CLEC2A: variants seen among roughly 807,000 people sequenced by gnomAD.
CLEC2A encodes the protein C-type lectin domain family 2 member A, also known as keratinocyte-associated C-type lectin.
CLEC2A carries 19 observed loss-of-function variants against 18.6 expected under a neutral mutation model. The ratio of observed to expected loss-of-function variants is 1.02; its 90% CI spans 0.71 to 1.50. The LOEUF is 1.50. Among genes scored for constraint, CLEC2A ranks in the 40% most tolerant of loss-of-function variants. The pLI, the probability that CLEC2A is intolerant of heterozygous loss-of-function variation, is 0.00. For synonymous variants in CLEC2A, 74 were observed against 64.0 expected (o/e 1.16, Z -0.75); for missense variants, 190 against 207.9 (o/e 0.91, Z 0.53).
intron 1 of CLEC2A, among the ~76,000 whole-genome samples, chr12:9,927,195 G>A (rs1215713521): frequency 6.6e-6 from 1 of 152,170 alleles, no homozygotes; most frequent in African/African-American, 2.4e-5. Context: ...ATATATTACA[G>A]ACTGTTGCTC....
At position 9,914,354 on chromosome 12, in the gene CLEC2A, A is replaced by G. The variant is rs371748271; in HGVS notation, c.411-674T>C. Among the ~76,000 whole-genome samples, 6 of 152,344 alleles carry G rather than the reference A, an allele frequency of 3.9e-5. No individual in the cohort carries two copies. The East Asian group carries it at 9.6e-4, about 24-fold the overall frequency. On this transcript the variant is annotated intron_variant, in intron 4 of 4. Transcript: ENST00000455827. The stretch of plus-strand genomic sequence containing the variant: ...CTTTGACATTCTCCACAGAATTAGA[A>G]GAAAACTACTTTAAATTTCATATGA...
At chr12:9,927,223 A>T (rs528004882) in intron 1 of CLEC2A, among the ~76,000 whole-genome samples, 1 of 152,348 alleles carries the variant, frequency 6.6e-6, no homozygotes, top group African/African-American at 2.4e-5. Flanking sequence ...ACAAAACTGG[A>T]TAGCATGTTA....
At chr12:9,897,673 G>A (rs1862771888), downstream of CLEC2A, among the ~76,000 whole-genome samples, 1 of 151,996 alleles carries the variant, frequency 6.6e-6, no homozygotes, top group Non-Finnish European at 1.5e-5. Context: ...GCCCGCATAA[G>A]CTTTGAATTC....
intron 4 of CLEC2A, among the ~76,000 whole-genome samples, chr12:9,899,397 A>G (rs1032934148): frequency 1.3e-5 from 2 of 152,160 alleles, no homozygotes; most frequent in South Asian, 4.1e-4. Context: ...AGGAGAAGAA[A>G]GGAAAAAGAA....
the CLEC2A span, among the ~76,000 whole-genome samples, chr12:9,888,256 C>T: frequency 1.7e-4 from 26 of 151,728 alleles, no homozygotes; most frequent in Non-Finnish European, 2.7e-4. Context: ...TTTCGGAAGC[C>T]GAGGCGGGCG....
downstream of CLEC2A, among the ~76,000 whole-genome samples, chr12:9,910,405 TA>T (rs1045216723): frequency 2.4e-4 from 36 of 152,314 alleles, no homozygotes; most frequent in African/African-American, 8.2e-4. Context: ...TGGAGGTTTC[TA>T]ATGCTTCTGG....
At chr12:9,911,110 C>A (rs979889593), downstream of CLEC2A, among the ~76,000 whole-genome samples, 1 of 152,150 alleles carries the variant, frequency 6.6e-6, no homozygotes, top group Non-Finnish European at 1.5e-5. Flanking sequence ...GTCAAGACCA[C>A]ACAACCTAAA....
Position 9,932,309 on chromosome 12 carries a change from C to A in CLEC2A, c.21G>T (p.Arg7=). MINPEL[R]DGRADGFIHR... The stretch of plus-strand genomic sequence containing the variant: ...GTATGAAGCCATCAGCTCTGCCATC[C>A]CGCAGCTCTGGATTAATCATGGCAA... Residue 7 remains arginine, a synonymous_variant, in exon 1 of 5, where the codon CGG becomes CGT. Transcript: ENST00000455827. 1 of 1,551,958 alleles carries A rather than the reference C, an allele frequency of 6.4e-7. No homozygotes were observed. The highest frequency in any genetic ancestry group is 8.7e-7 in the Non-Finnish European group (1 of 1,146,990).
At chr12:9,891,918 A>G in the CLEC2A span, among the ~76,000 whole-genome samples, 611 of 152,300 alleles carry the variant, frequency 4.0e-3, 15 homozygotes, top group Admixed American at 0.034. Flanking sequence ...AAAATATGAC[A>G]TGTTTTAACT....
At chr12:9,920,336 G>C (rs1363462469) in intron 3 of CLEC2A, among the ~76,000 whole-genome samples, 1 of 152,188 alleles carries the variant, frequency 6.6e-6, no homozygotes, top group Non-Finnish European at 1.5e-5. Context: ...ACATGCCTGA[G>C]AGGCTGCTCT....
intron 2 of CLEC2A, among the ~76,000 whole-genome samples, chr12:9,923,940 G>T (rs1342848617): frequency 3.3e-5 from 5 of 151,802 alleles, no homozygotes; most frequent in Non-Finnish European, 5.9e-5. Context: ...GGTTGGGGGA[G>T]TGGGGAGGGA....
At chr12:9,922,626 C>G (rs1435031702) in intron 2 of CLEC2A, among the ~76,000 whole-genome samples, 1 of 152,166 alleles carries the variant, frequency 6.6e-6, no homozygotes, top group Non-Finnish European at 1.5e-5. Context: ...TGAAAACACC[C>G]AAGCTAGGAA....
downstream of CLEC2A, chr12:9,895,864 T>C: frequency 6.7e-7 from 1 of 1,492,330 alleles, no homozygotes; most frequent in Non-Finnish European, 8.8e-7. Flanking sequence ...ATACTTTGCA[T>C]GTTAAAGCAG....
Position 9,913,421 on chromosome 12 carries a change from A to C in CLEC2A, c.*145T>G. On this transcript the variant is annotated 3_prime_UTR_variant, in exon 5 of 5. Coordinates refer to ENST00000455827, the MANE Select transcript of CLEC2A (RefSeq NM_001130711.2). ...CTCTTTAACCATGGCAGGGCACAGC[A>C]AGAAGTTTCCATCTATAAACTAGAA... 1 of 1,372,304 alleles carries C rather than the reference A, an allele frequency of 7.3e-7. No homozygotes were observed. The highest frequency in any genetic ancestry group is 9.5e-7 in the Non-Finnish European group (1 of 1,049,936). 85.0% of individuals were successfully genotyped at this position (1,372,304 alleles called of 1,614,324 possible). A position where few individuals can be genotyped will look rare whatever the true frequency, so the allele number is the denominator to read the frequency against.
chr12:9,905,091 G>A (rs1862888548), intron 4 of CLEC2A, among the ~76,000 whole-genome samples: 1 of 152,210 alleles, frequency 6.6e-6, no homozygotes, highest in South Asian at 2.1e-4. Flanking sequence ...ATGACGAGGT[G>A]ACTTTCTGCT....
chr12:9,904,702 C>T (rs1862882344), intron 4 of CLEC2A, among the ~76,000 whole-genome samples: 2 of 152,120 alleles, frequency 1.3e-5, no homozygotes, highest in African/African-American at 4.8e-5. Flanking sequence ...CTAACCAATA[C>T]CATTCAAATA....
chr12:9,929,143 T>G (rs1863330005), intron 1 of CLEC2A, among the ~76,000 whole-genome samples: 1 of 152,206 alleles, frequency 6.6e-6, no homozygotes, highest in Non-Finnish European at 1.5e-5. Flanking sequence ...TCTGGTATTA[T>G]TTTTAATAGT....
chr12:9,923,849 G>A (rs1863216993), intron 2 of CLEC2A, among the ~76,000 whole-genome samples: 1 of 151,900 alleles, frequency 6.6e-6, no homozygotes, highest in Non-Finnish European at 1.5e-5. Context: ...AACACCACAT[G>A]TTCTCACTCA....
In CLEC2A at chr12:9,900,814, A is replaced by C. The variant is rs1862816018; in HGVS notation, c.411-1838T>G. On this transcript the variant is annotated intron_variant, in intron 4 of 4. Transcript: ENST00000339766. ...CTCTGCAAGTCGAGATTGACTCCTT[A>C]AAGGCAAGCTTACCCTTCCAGTCAA... is the stretch of plus-strand genomic sequence containing the variant. Among the ~76,000 whole-genome samples, 3 of 152,200 alleles carry C rather than the reference A, an allele frequency of 2.0e-5. No individual in the cohort carries two copies. The South Asian group carries it at 6.2e-4, about 31-fold the overall frequency.
Sources: gnomAD v4.1 joint callset for allele counts (sites outside exome capture counted in the v4.1 genomes callset) on GRCh38, gnomAD v4.1.1 for gene constraint, MANE v1.5 for transcripts, NCBI Gene and HGNC (gene_info 2026-07-23, HGNC 2026-07-21) for gene names.